Variants in SMU1 observed in about 807,000 individuals in gnomAD.
The protein encoded by SMU1 is SMU1 DNA replication regulator and spliceosomal factor, also known as WD40 repeat-containing protein SMU1.
In SMU1, 2 loss-of-function variants were observed where a neutral mutation model predicts 62.0. That is an observed-to-expected ratio of 0.03 (90% CI 0.01 to 0.10). SMU1 has a LOEUF of 0.10. Among genes scored for constraint, SMU1 ranks in the 10% least tolerant of loss-of-function variants. SMU1 has a pLI of 1.00. For missense variants in SMU1, 227 were observed against 622.1 expected (o/e 0.36, Z 6.76); for synonymous variants, 188 against 212.4 (o/e 0.89, Z 1.00).
chr9:33,043,779 G>A lies in SMU1; in HGVS notation c.*3514C>T, dbSNP rs925577123. On this transcript the variant is annotated 3_prime_UTR_variant, in exon 12 of 12. Transcript: ENST00000397149. ...GGTTTTCAATGCGAGCTTCGTGCAA[G>A]TTGGACTGAGTTAGGTGCCTCACGT... The A allele has an allele frequency of 3.3e-5, 5 of 152,294 alleles. No homozygotes were observed. Among genetic ancestry groups the A allele is most frequent in the African/African-American group, 1.2e-4 (5 of 41,436 alleles). 9.4% of individuals were successfully genotyped at this position (152,294 alleles called of 1,614,324 possible).
intron 9 of SMU1, among the ~76,000 whole-genome samples, chr9:33,054,410 G>T (rs541163524): frequency 6.6e-6 from 1 of 152,210 alleles, no homozygotes; most frequent in South Asian, 2.1e-4. Context: ...AGCTACAAAT[G>T]ATTCCAATGT....
At chr9:33,051,733 G>A (rs1587706593) in intron 10 of SMU1, among the ~76,000 whole-genome samples, 1 of 152,166 alleles carries the variant, frequency 6.6e-6, no homozygotes, top group East Asian at 1.9e-4. Flanking sequence ...TAAAGATGTA[G>A]CATGAGAGTT....
chr9:33,064,063 G>GCTTTAAC (rs1839392697), intron 4 of SMU1, among the ~76,000 whole-genome samples: 1 of 151,736 alleles, frequency 6.6e-6, no homozygotes, highest in Non-Finnish European at 1.5e-5. Context: ...ACGTGATAAA[G>GCTTTAAC]GTATTTGTTG....
intron 4 of SMU1, among the ~76,000 whole-genome samples, chr9:33,067,905 C>T (rs1839440536): frequency 6.6e-6 from 1 of 152,118 alleles, no homozygotes; most frequent in Non-Finnish European, 1.5e-5. Flanking sequence ...ATTAACATCC[C>T]TATTAATCAC....
intron 1 of SMU1, among the ~76,000 whole-genome samples, chr9:33,076,285 C>T (rs1187789475): frequency 6.6e-6 from 1 of 152,160 alleles, no homozygotes; most frequent in Admixed American, 6.5e-5. Flanking sequence ...CAGAGTGGAT[C>T]CTTAATTTGG....
chr9:33,060,125 C>T (rs1268177787), intron 6 of SMU1, among the ~76,000 whole-genome samples: 2 of 152,118 alleles, frequency 1.3e-5, no homozygotes, highest in Non-Finnish European at 2.9e-5. Context: ...CCTCCCACTT[C>T]AGCCTCCCAG....
At chr9:33,061,490 T>C (rs1379703467) in intron 5 of SMU1, among the ~76,000 whole-genome samples, 1 of 152,098 alleles carries the variant, frequency 6.6e-6, no homozygotes, top group Non-Finnish European at 1.5e-5. Context: ...GAAACTGTAA[T>C]ATAGAGATGC....
chr9:33,052,756 G>A (rs1437020654), intron 10 of SMU1, among the ~76,000 whole-genome samples: 5 of 152,204 alleles, frequency 3.3e-5, no homozygotes, highest in Non-Finnish European at 7.3e-5. Flanking sequence ...ACTTTAGATC[G>A]TGGTAGCTGG....
Position 33,062,030 on chromosome 9 carries a change from G to T in SMU1, c.630+19C>A, listed in dbSNP as rs1332603201. 1 of 1,611,202 alleles carries T rather than the reference G, an allele frequency of 6.2e-7. No individual in the cohort carries two copies. The highest frequency in any genetic ancestry group is 1.3e-5 in the African/African-American group (1 of 74,840). Reference sequence around the variant, plus strand: ...CTCAACAAATGATTACTGACTGGCTGAATGTCTTAGGATCCTACCTTAATA... The same window carrying T: ...CTCAACAAATGATTACTGACTGGCTTAATGTCTTAGGATCCTACCTTAATA... On this transcript the variant is annotated intron_variant, in intron 5 of 11. Coordinates refer to ENST00000397149, the MANE Select transcript of SMU1 (RefSeq NM_018225.3).
chr9:33,042,510 G>C lies in SMU1; in HGVS notation c.*4783C>G, dbSNP rs1052340568. 1.3e-5 allele frequency: 2 copies of C among 152,258 alleles called. No homozygotes were observed. The highest frequency in any genetic ancestry group is 4.8e-5 in the African/African-American group (2 of 41,448). 9.4% of individuals were successfully genotyped at this position (152,258 alleles called of 1,614,324 possible). ...GGAGTAGAGGCCAATTATGTCGCTTGAGAGTGCTCTTGGAACAGTGGCAAA... is the reference window on the plus strand; with the variant it reads ...GGAGTAGAGGCCAATTATGTCGCTTCAGAGTGCTCTTGGAACAGTGGCAAA... On this transcript the variant is annotated 3_prime_UTR_variant, in exon 12 of 12. Transcript: ENST00000397149.
Position 33,053,243 on chromosome 9 carries a change from C to A in SMU1, c.1170G>T (p.Leu390=). Residue 390 remains leucine (L), a synonymous_variant, in exon 10 of 12, where the codon CTG becomes CTT. Transcript: ENST00000397149. ...TAATATCTGTCCCTGCGGTGCTGCC[C>A]AGGGATTTAAAGGTATTTGAACATT... is the stretch of plus-strand genomic sequence containing the variant. ...TTECSNTFKS[L]GSTAGTDITV... 1 of 1,612,716 alleles carries A rather than the reference C, an allele frequency of 6.2e-7. No homozygotes were observed. The highest frequency in any genetic ancestry group is 1.3e-5 in the African/African-American group (1 of 74,972).
At chr9:33,058,156 C>T (rs1839321844) in intron 6 of SMU1, among the ~76,000 whole-genome samples, 1 of 152,090 alleles carries the variant, frequency 6.6e-6, no homozygotes, top group Admixed American at 6.5e-5. Context: ...ATTGTTCAAA[C>T]AGATTACTTT....
intron 9 of SMU1, among the ~76,000 whole-genome samples, chr9:33,055,080 A>G (rs1057256133): frequency 6.6e-6 from 1 of 152,186 alleles, no homozygotes; most frequent in African/African-American, 2.4e-5. Context: ...ATCCCAAGGG[A>G]GCATACATCT....
rs1839547169 is a variant in SMU1, at chr9:33,076,464, C to A, written c.26+119G>T. On this transcript the variant is annotated intron_variant, in intron 1 of 11. Coordinates refer to ENST00000397149, the MANE Select transcript of SMU1 (RefSeq NM_018225.3). ...GAGATCCAAGATGCTTCTTTGGGGG[C>A]AAGGAAATGGCCCTCCACTCCCTGG... 6 of 1,235,158 alleles carry A rather than the reference C, an allele frequency of 4.9e-6. No individual in the cohort carries two copies. In the South Asian group the frequency reaches 7.4e-5, roughly 15 times the overall value. 76.5% of individuals were successfully genotyped at this position (1,235,158 alleles called of 1,614,324 possible). A position where few individuals can be genotyped will look rare whatever the true frequency, so the allele number is the denominator to read the frequency against.
chr9:33,056,057 T>C, intron 9 of SMU1, 56 bp downstream of exon 9: 1 of 1,546,608 alleles, frequency 6.5e-7, no homozygotes, highest in South Asian at 1.2e-5. Flanking sequence ...TGAAAACTCC[T>C]CAAAGGACAA....
intron 9 of SMU1, among the ~76,000 whole-genome samples, chr9:33,053,856 A>G (rs745367808): frequency 1.3e-5 from 2 of 152,276 alleles, no homozygotes; most frequent in Non-Finnish European, 2.9e-5. Context: ...TAAAACTTAA[A>G]AACTTTTAAA....
chr9:33,076,460 G>T (rs939642270), intron 1 of SMU1, 123 bp downstream of exon 1: 3 of 1,194,626 alleles, frequency 2.5e-6, no homozygotes, highest in Non-Finnish European at 3.6e-6. Context: ...TGCTTCTTTG[G>T]GGGCAAGGAA....
At position 33,045,038 on chromosome 9, in the gene SMU1, GT is replaced by G; in HGVS notation, c.*2254del. The G allele has an allele frequency of 6.6e-6, 1 of 152,168 alleles. No homozygotes were observed. Among genetic ancestry groups the G allele is most frequent in the South Asian group, 2.1e-4 (1 of 4,828 alleles). The allele number at this position is 152,168 out of a possible 1,614,324, so 9.4% of individuals were successfully genotyped here. ...CTTCCCTATGTTTAGGCAGAAACGAGTCTTTTTTTAACCATATTCATCACCT... is the reference window on the plus strand; with the variant it reads ...CTTCCCTATGTTTAGGCAGAAACGAGCTTTTTTTAACCATATTCATCACCT... On this transcript the variant is annotated 3_prime_UTR_variant, in exon 12 of 12. Coordinates refer to ENST00000397149, the MANE Select transcript of SMU1 (RefSeq NM_018225.3).
intron 4 of SMU1, among the ~76,000 whole-genome samples, chr9:33,065,275 A>C (rs1839407242): frequency 6.6e-6 from 1 of 152,156 alleles, no homozygotes; most frequent in Non-Finnish European, 1.5e-5. Context: ...AGCCCCCAAC[A>C]AATCTGTCCT....
Sources: gnomAD v4.1 joint callset for allele counts (sites outside exome capture counted in the v4.1 genomes callset) on GRCh38, gnomAD v4.1.1 for gene constraint, MANE v1.5 for transcripts, NCBI Gene and HGNC (gene_info 2026-07-23, HGNC 2026-07-21) for gene names.